Variants in ADAMTSL1 observed in about 807,000 individuals in gnomAD.
ADAMTSL1 encodes ADAMTS-like protein 1.
ADAMTSL1 carries 126 observed loss-of-function variants against 201.8 expected under a neutral mutation model. The observed-to-expected ratio is 0.62, with a 90% CI of 0.54 to 0.72. ADAMTSL1 has a LOEUF of 0.72. Ranked by LOEUF, ADAMTSL1 falls within the 30% of genes least tolerant of loss-of-function variation. ADAMTSL1 has a pLI of 0.00. For missense variants in ADAMTSL1, 2,679 were observed against 2,277.8 expected (o/e 1.18, Z -3.59); for synonymous variants, 1,121 against 903.4 (o/e 1.24, Z -4.32).
intron 23 of ADAMTSL1, among the ~76,000 whole-genome samples, chr9:18,831,045 G>A (rs1239305903): frequency 6.6e-6 from 1 of 152,208 alleles, no homozygotes; most frequent in Admixed American, 6.5e-5. Context: ...GGCCACAGGG[G>A]CCTGGTATCT....
At chr9:18,857,105 G>A (rs998709692) in intron 23 of ADAMTSL1, among the ~76,000 whole-genome samples, 13 of 152,106 alleles carry the variant, frequency 8.5e-5, no homozygotes, top group East Asian at 1.9e-4. Context: ...GTTTCAAGAC[G>A]TGGTTTGAGA....
rs192972741 is a variant in ADAMTSL1, at chr9:18,130,687, C to G, written c.88-33175C>G. 4.6e-5 allele frequency among the ~76,000 whole-genome samples: 7 copies of G among 152,260 alleles called. No individual in the cohort carries two copies. In the East Asian group the frequency reaches 1.4e-3, roughly 29 times the overall value. ...ATTTGGAGCATTTTAGGAATACAAA[C>G]TACCAAATAAGACATAAAATTCAGC... is the stretch of plus-strand genomic sequence containing the variant. On this transcript the variant is annotated intron_variant, in intron 1 of 29. Transcript: ENST00000680146.
At chr9:18,908,259 A>G in intron 28 of ADAMTSL1, 183 bp from the exon 29 acceptor site, 1 of 616,302 alleles carries the variant, frequency 1.6e-6, no homozygotes, top group East Asian at 2.9e-5. Flanking sequence ...TGCTGTTGGC[A>G]GCCTTGGGGA....
chr9:18,288,389 TA>T (rs992390440), intron 2 of ADAMTSL1, among the ~76,000 whole-genome samples: 5 of 152,154 alleles, frequency 3.3e-5, no homozygotes, highest in East Asian at 3.9e-4. Context: ...AGGTATTTGT[TA>T]TTTTTTTTGT....
chr9:18,126,531 C>T (rs1825736343), intron 1 of ADAMTSL1, among the ~76,000 whole-genome samples: 1 of 152,300 alleles, frequency 6.6e-6, no homozygotes, highest in African/African-American at 2.4e-5. Context: ...TTGCATGCAC[C>T]ACACGTGGCA....
chr9:18,271,892 A>T (rs1832384382), intron 2 of ADAMTSL1, among the ~76,000 whole-genome samples: 1 of 151,866 alleles, frequency 6.6e-6, no homozygotes, highest in Non-Finnish European at 1.5e-5. Flanking sequence ...ATGGTATCTC[A>T]TTGTGGTTTT....
intron 2 of ADAMTSL1, among the ~76,000 whole-genome samples, chr9:18,193,266 A>G (rs1829043228): frequency 6.6e-6 from 1 of 152,136 alleles, no homozygotes; most frequent in Admixed American, 6.6e-5. Context: ...TGACCCTGGG[A>G]GTGGTGAGAT....
intron 4 of ADAMTSL1, among the ~76,000 whole-genome samples, chr9:18,597,724 GA>G (rs1242934187): frequency 8.5e-5 from 13 of 152,118 alleles, no homozygotes; most frequent in Non-Finnish European, 1.6e-4. Context: ...GGAAAGGGAT[GA>G]TTTTTTTTAA....
intron 16 of ADAMTSL1, among the ~76,000 whole-genome samples, chr9:18,762,357 C>T (rs1820121164): frequency 1.3e-5 from 2 of 151,958 alleles, no homozygotes; most frequent in Non-Finnish European, 1.5e-5. Flanking sequence ...AAAAAAAATA[C>T]CTATTTTAAA....
intron 2 of ADAMTSL1, among the ~76,000 whole-genome samples, chr9:18,237,465 G>C (rs920698487): frequency 6.6e-6 from 1 of 152,062 alleles, no homozygotes; most frequent in African/African-American, 2.4e-5. Context: ...TGTTGCTTTT[G>C]GCATTTTGAG....
intron 2 of ADAMTSL1, among the ~76,000 whole-genome samples, chr9:18,516,319 A>G (rs965680145): frequency 6.6e-6 from 1 of 152,184 alleles, no homozygotes; most frequent in East Asian, 1.9e-4. Context: ...ATCATATACA[A>G]TGGGGGATGG....
rs78733540 is a variant in ADAMTSL1, at chr9:18,530,839, G to T, written c.192-2408G>T. Among the ~76,000 whole-genome samples, 1,310 of 152,268 alleles carry T rather than the reference G, an allele frequency of 8.6e-3. 15 individuals carry two copies. Among genetic ancestry groups the T allele is most frequent in the South Asian group, 0.027 (128 of 4,830 alleles). On this transcript the variant is annotated intron_variant, in intron 2 of 28. Transcript: ENST00000380548. Reference sequence around the variant, plus strand: ...ACTGAGATATAGAGCCAAGATTCTAGAAAGCAGAGCCTATTTTTAAACTGG... The same window carrying T: ...ACTGAGATATAGAGCCAAGATTCTATAAAGCAGAGCCTATTTTTAAACTGG...
At chr9:18,832,431 A>G (rs910398996) in intron 23 of ADAMTSL1, among the ~76,000 whole-genome samples, 1 of 152,220 alleles carries the variant, frequency 6.6e-6, no homozygotes, top group Non-Finnish European at 1.5e-5. Context: ...TAGATGTACT[A>G]CCTGGGGAAC....
chr9:18,144,169 T>A (rs182917813), intron 1 of ADAMTSL1, among the ~76,000 whole-genome samples: 2 of 151,148 alleles, frequency 1.3e-5, no homozygotes, highest in South Asian at 2.1e-4. Flanking sequence ...ACACTTTGCA[T>A]GTCCTAATAG....
chr9:18,090,669 T>A (rs1206464503), intron 1 of ADAMTSL1, among the ~76,000 whole-genome samples: 1 of 152,180 alleles, frequency 6.6e-6, no homozygotes, highest in Non-Finnish European at 1.5e-5. Flanking sequence ...TGGAGCTGCA[T>A]GGCGGCAATG....
intron 1 of ADAMTSL1, among the ~76,000 whole-genome samples, chr9:17,974,822 T>C (rs1563928192): frequency 6.6e-6 from 1 of 152,106 alleles, no homozygotes; most frequent in African/African-American, 2.4e-5. Flanking sequence ...CTATTATGAA[T>C]AATGCTGCAA....
chr9:18,735,748 CTTTTTTT>C (rs71333066), intron 15 of ADAMTSL1, among the ~76,000 whole-genome samples: 3 of 106,686 alleles, frequency 2.8e-5, no homozygotes, highest in Non-Finnish European at 3.8e-5. Flanking sequence ...ATTCTTTTTT[CTTTTTTT>C]TTTTTTTTTT....
intron 16 of ADAMTSL1, among the ~76,000 whole-genome samples, chr9:18,756,122 T>TATATATATATATAC (rs1491270780): frequency 4.7e-5 from 4 of 85,880 alleles, no homozygotes; most frequent in Non-Finnish European, 9.4e-5. Flanking sequence ...TATATATATA[T>TATATATATATATAC]ACAAAAATTA....
At chr9:18,001,423 C>G (rs1444288642) in intron 1 of ADAMTSL1, among the ~76,000 whole-genome samples, 2 of 151,944 alleles carry the variant, frequency 1.3e-5, no homozygotes, top group African/African-American at 2.4e-5. Flanking sequence ...AGTACCTGTC[C>G]TCAAGGAGCT....
Sources: gnomAD v4.1 joint callset for allele counts (sites outside exome capture counted in the v4.1 genomes callset) on GRCh38, gnomAD v4.1.1 for gene constraint, MANE v1.5 for transcripts, NCBI Gene and HGNC (gene_info 2026-07-23, HGNC 2026-07-21) for gene names.